TIMP3: variants seen among roughly 807,000 people sequenced by gnomAD.
TIMP3 encodes the protein metalloproteinase inhibitor 3.
TIMP3 carries 11 observed loss-of-function variants against 30.0 expected under a neutral mutation model. The observed-to-expected ratio is 0.37, with a 90% confidence interval of 0.23 to 0.61. The LOEUF is 0.61. TIMP3 is among the 20% of genes least tolerant of loss of function. The pLI, the probability that TIMP3 is intolerant of heterozygous loss-of-function variation, is 0.70. For missense variants in TIMP3, 181 were observed against 276.8 expected, an observed-to-expected ratio of 0.65 and a Z score of 2.45; for synonymous variants, 112 against 111.3, an observed-to-expected ratio of 1.01 and a Z score of -0.04.
At chr22:32,848,249 T>C (rs2048124816) in intron 1 of TIMP3, among the ~76,000 whole-genome samples, 2 of 152,264 alleles carry the variant, frequency 1.3e-5, no homozygotes, top group African/African-American at 4.8e-5. Context: ...TAATTACTTT[T>C]GTATTCATAG....
In TIMP3 at chr22:32,859,510, A is replaced by G. The variant is rs895486946; in HGVS notation, c.*133A>G. The G allele has an allele frequency of 8.6e-7, 1 of 1,158,546 alleles. No homozygotes were observed. Among genetic ancestry groups the G allele is most frequent in the Non-Finnish European group, 1.2e-6 (1 of 824,638 alleles). 71.8% of individuals were successfully genotyped at this position (1,158,546 alleles called of 1,614,324 possible). A position where few individuals can be genotyped will look rare whatever the true frequency, so the allele number is the denominator to read the frequency against. On this transcript the variant is annotated 3_prime_UTR_variant, in exon 5 of 5. Transcript: ENST00000266085. ...ATTTAGCACTTGGAACATTTAAAGA[A>G]AGGTCTATGCTGTCATATGGGGTTT...
intron 3 of TIMP3, 122 bp from the exon 4 acceptor site, chr22:32,857,895 T>C: frequency 1.4e-6 from 2 of 1,445,858 alleles, no homozygotes; most frequent in Non-Finnish European, 1.9e-6. Context: ...AATAAAATCA[T>C]GGGTCTGAAA....
At chr22:32,847,698 T>C (rs183726795) in intron 1 of TIMP3, among the ~76,000 whole-genome samples, 3 of 152,292 alleles carry the variant, frequency 2.0e-5, no homozygotes, top group Admixed American at 2.0e-4. Context: ...TGTGTGTGTG[T>C]GTGTTTGTGT....
chr22:32,827,474 A>C (rs992436476), intron 1 of TIMP3, among the ~76,000 whole-genome samples: 1 of 152,132 alleles, frequency 6.6e-6, no homozygotes, highest in East Asian at 1.9e-4. Context: ...ACATGTGATG[A>C]TATCTACCTC....
At chr22:32,858,437 G>T (rs991355848) in intron 4 of TIMP3, among the ~76,000 whole-genome samples, 6 of 152,154 alleles carry the variant, frequency 3.9e-5, no homozygotes, top group Non-Finnish European at 7.3e-5. Context: ...GCAGTTCAAG[G>T]CTGGAGGTAT....
chr22:32,808,690 T>A (rs1200842700), intron 1 of TIMP3, among the ~76,000 whole-genome samples: 1 of 152,220 alleles, frequency 6.6e-6, no homozygotes, highest in African/African-American at 2.4e-5. Context: ...CCTCATTAAC[T>A]TCTCATTCTC....
chr22:32,850,389 C>T lies in TIMP3; in HGVS notation c.204+855C>T, dbSNP rs138609126. Among the ~76,000 whole-genome samples the T allele has an allele frequency of 2.0e-5, 3 of 152,122 alleles. No homozygotes were observed. In the East Asian group the frequency reaches 5.8e-4, roughly 30 times the overall value. ...CAGGCATTCTAAGCACCCTGGGATGCGGGCCATGTTACTTGTAAGGAGGAG... is the reference window on the plus strand; with the variant it reads ...CAGGCATTCTAAGCACCCTGGGATGTGGGCCATGTTACTTGTAAGGAGGAG... On this transcript the variant is annotated intron_variant, in intron 2 of 4. Transcript: ENST00000266085.
chr22:32,807,378 AATATATAT>A (rs2046783998), intron 1 of TIMP3, among the ~76,000 whole-genome samples: 1 of 108,242 alleles, frequency 9.2e-6, no homozygotes, highest in South Asian at 2.6e-4. Flanking sequence ...TATTATATAT[AATATATAT>A]TATATATAAT....
chr22:32,805,833 ATGG>A (rs2046719246), intron 1 of TIMP3, among the ~76,000 whole-genome samples: 1 of 152,090 alleles, frequency 6.6e-6, no homozygotes, highest in Non-Finnish European at 1.5e-5. Flanking sequence ...GATGGAATGG[ATGG>A]TTAACATTTG....
At chr22:32,829,109 A>C (rs2047497587) in intron 1 of TIMP3, among the ~76,000 whole-genome samples, 1 of 152,176 alleles carries the variant, frequency 6.6e-6, no homozygotes. Flanking sequence ...CCGCTGAAGA[A>C]GACGGGCAGA....
At chr22:32,822,539 A>T (rs561467733) in intron 1 of TIMP3, among the ~76,000 whole-genome samples, 8 of 152,330 alleles carry the variant, frequency 5.3e-5, no homozygotes, top group African/African-American at 1.7e-4. Context: ...TAGCAATCTT[A>T]CTTCTAGAAA....
chr22:32,814,137 T>TGA (rs1276692209), intron 1 of TIMP3, among the ~76,000 whole-genome samples: 2 of 80,134 alleles, frequency 2.5e-5, no homozygotes, highest in African/African-American at 9.7e-5. Flanking sequence ...TGTGTGTGTG[T>TGA]GTGTGAGAGA....
intron 1 of TIMP3, among the ~76,000 whole-genome samples, chr22:32,834,144 T>C (rs866280423): frequency 2.0e-5 from 3 of 151,946 alleles, no homozygotes; most frequent in Admixed American, 6.6e-5. Context: ...CTTCAGGGAC[T>C]ACCTGAGCCC....
In TIMP3 at chr22:32,812,259, A is replaced by G. The variant is rs73885107; in HGVS notation, c.121+10137A>G. On this transcript the variant is annotated intron_variant, in intron 1 of 4. Coordinates refer to ENST00000266085, the MANE Select transcript of TIMP3 (RefSeq NM_000362.5). ...CCTAAATCTGTCAACCACACCCTTC[A>G]GTAGGTAACTTTGTTAGAAATATGG... 9.5e-3 allele frequency among the ~76,000 whole-genome samples: 1,445 copies of G among 152,320 alleles called. 25 individuals are homozygous for G. Among genetic ancestry groups the G allele is most frequent in the African/African-American group, 0.034 (1,393 of 41,576 alleles).
intron 2 of TIMP3, among the ~76,000 whole-genome samples, chr22:32,855,611 A>G (rs1428058357): frequency 6.6e-6 from 1 of 152,166 alleles, no homozygotes; most frequent in Non-Finnish European, 1.5e-5. Flanking sequence ...TGTCATGGTG[A>G]TTCGTGGGCT....
intron 1 of TIMP3, among the ~76,000 whole-genome samples, chr22:32,822,047 C>G (rs567750509): frequency 4.0e-5 from 6 of 150,086 alleles, no homozygotes; most frequent in African/African-American, 9.8e-5. Flanking sequence ...CCCAGCTACT[C>G]GGGAGGCTGA....
At chr22:32,842,745 C>G (rs1456489828) in intron 1 of TIMP3, among the ~76,000 whole-genome samples, 6 of 152,104 alleles carry the variant, frequency 3.9e-5, no homozygotes, top group Non-Finnish European at 8.8e-5. Context: ...TGTTTTTATT[C>G]CATGAAAGCC....
chr22:32,823,480 G>A (rs1490385730), intron 1 of TIMP3, among the ~76,000 whole-genome samples: 1 of 152,168 alleles, frequency 6.6e-6, no homozygotes, highest in East Asian at 1.9e-4. Flanking sequence ...GGCCGTCTGT[G>A]TCCCAGCCCC....
rs529821872 is a variant in TIMP3, at chr22:32,837,421, C to T, written c.122-12031C>T. Among the ~76,000 whole-genome samples the T allele has an allele frequency of 6.6e-6, 1 of 152,246 alleles. No homozygotes were observed. The highest frequency in any genetic ancestry group is 2.4e-5 in the African/African-American group (1 of 41,532). On this transcript the variant is annotated intron_variant, in intron 1 of 4. Transcript: ENST00000266085. The surrounding 1 kb of genome is among the most constrained non-coding windows in gnomAD (Gnocchi z 4.1). ...TGGGCTTGAGCTTTTGAGAGGTCAGCATGCCCCCTTAAACTTGATGTCTCC... is the reference window on the plus strand; with the variant it reads ...TGGGCTTGAGCTTTTGAGAGGTCAGTATGCCCCCTTAAACTTGATGTCTCC...
Sources: gnomAD v4.1 joint callset for allele counts (sites outside exome capture counted in the v4.1 genomes callset) on GRCh38, gnomAD v4.1.1 for gene constraint, Gnocchi (gnomAD v3.1) non-coding constraint, MANE v1.5 for transcripts, NCBI Gene and HGNC (gene_info 2026-07-23, HGNC 2026-07-21) for gene names.